The following SEMA5A variants were observed in gnomAD, a reference collection of about 807,000 sequenced individuals.
SEMA5A encodes the protein semaphorin 5A, also known as semaphorin-5A.
SEMA5A carries 55 observed loss-of-function variants against 135.5 expected under a neutral mutation model. The ratio of observed to expected loss-of-function variants is 0.41; its 90% CI spans 0.33 to 0.51. The LOEUF (loss-of-function observed/expected upper bound fraction) is 0.51, where lower values mean the gene tolerates loss of function less well. Among genes scored for constraint, SEMA5A ranks in the 20% least tolerant of loss-of-function variants. The pLI is 0.37. For synonymous variants in SEMA5A, 580 were observed against 546.5 expected, an observed-to-expected ratio of 1.06 and a Z score of -0.85; for missense variants, 1,290 against 1,419.9, an observed-to-expected ratio of 0.91 and a Z score of 1.47.
intron 3 of SEMA5A, among the ~76,000 whole-genome samples, chr5:9,346,498 A>G (rs1190856175): frequency 6.6e-6 from 1 of 152,196 alleles, no homozygotes; most frequent in Non-Finnish European, 1.5e-5. Context: ...GAGCACTGTA[A>G]TATGCCCTCT....
chr5:9,433,625 T>C (rs1398321951), intron 2 of SEMA5A, among the ~76,000 whole-genome samples: 1 of 141,720 alleles, frequency 7.1e-6, no homozygotes, highest in Non-Finnish European at 1.6e-5. Flanking sequence ...CCTTTCTCTC[T>C]TTCTCTCACC....
At chr5:9,453,331 TCCTATCA>T (rs1758715114) in intron 1 of SEMA5A, among the ~76,000 whole-genome samples, 1 of 152,170 alleles carries the variant, frequency 6.6e-6, no homozygotes, top group South Asian at 2.1e-4. Flanking sequence ...GACAAGGCAA[TCCTATCA>T]CCTTCTTGTT....
chr5:9,209,070 C>T (rs1805968), intron 8 of SEMA5A, among the ~76,000 whole-genome samples: 13,844 of 152,190 alleles, frequency 0.091, 893 homozygotes, highest in African/African-American at 0.18. Context: ...CAAGTAGGAA[C>T]CACTTTTACC....
chr5:9,484,835 C>A (rs534118560), intron 1 of SEMA5A, among the ~76,000 whole-genome samples: 9 of 152,140 alleles, frequency 5.9e-5, no homozygotes, highest in Non-Finnish European at 1.3e-4. Context: ...CCCAAAAGTT[C>A]GGGTCCTTCT....
chr5:9,391,144 C>T (rs1199887327), intron 2 of SEMA5A: 1 of 152,194 alleles, frequency 6.6e-6, no homozygotes, highest in Non-Finnish European at 1.5e-5. Context: ...TACTAACTAA[C>T]TTCTTGTCGG....
intron 5 of SEMA5A, among the ~76,000 whole-genome samples, chr5:9,263,265 G>C (rs1348137036): frequency 6.6e-6 from 1 of 152,140 alleles, no homozygotes; most frequent in Non-Finnish European, 1.5e-5. Context: ...CCAAGCCACG[G>C]ACTGGTCCTG....
chr5:9,384,694 A>AGATG (rs1223968667), intron 2 of SEMA5A, among the ~76,000 whole-genome samples: 2 of 139,172 alleles, frequency 1.4e-5, no homozygotes, highest in African/African-American at 2.8e-5. Context: ...ATAGATAGAT[A>AGATG]GATAGATAGA....
intron 10 of SEMA5A, among the ~76,000 whole-genome samples, chr5:9,193,167 T>C (rs568643758): frequency 6.6e-6 from 1 of 152,288 alleles, no homozygotes; most frequent in African/African-American, 2.4e-5. Context: ...TGGAAGAGTA[T>C]TCAGAGTTAT....
chr5:9,154,535 G>A lies in SEMA5A; in HGVS notation c.1434C>T (p.His478=), dbSNP rs1224449066. 9.3e-6 allele frequency: 15 copies of A among 1,612,498 alleles called. No homozygotes were observed. The highest frequency in any genetic ancestry group is 2.7e-5 in the African/African-American group (2 of 74,846). ...ACCTCTTCAGGGGGATCTTGACCAC[G>A]TGCTCCCGCAGGCCCACGAACAGGA... The part of the protein sequence containing the change: ...QSVLFVGLRE[H]VVKIPLKRCQ... The change falls in exon 12 of 23, where the codon CAC becomes CAT. Residue 478 remains histidine, a synonymous_variant. Coordinates refer to ENST00000382496, the MANE Select transcript of SEMA5A (RefSeq NM_003966.3).
chr5:9,102,447 A>G (rs1350065665), intron 16 of SEMA5A, among the ~76,000 whole-genome samples: 1 of 152,186 alleles, frequency 6.6e-6, no homozygotes, highest in Non-Finnish European at 1.5e-5. Flanking sequence ...TACCAGCCAA[A>G]TAGGAAACTT....
intron 3 of SEMA5A, among the ~76,000 whole-genome samples, chr5:9,344,726 A>G (rs1208773981): frequency 6.6e-6 from 1 of 152,230 alleles, no homozygotes; most frequent in African/African-American, 2.4e-5. Flanking sequence ...GATATGCTAA[A>G]CCTTACTTTT....
At chr5:9,193,736 A>T (rs1209323764) in intron 10 of SEMA5A, among the ~76,000 whole-genome samples, 1 of 152,126 alleles carries the variant, frequency 6.6e-6, no homozygotes, top group East Asian at 1.9e-4. Flanking sequence ...CGTCTGTACT[A>T]AAAATACAAA....
chr5:9,090,623 G>A (rs1413215579), intron 16 of SEMA5A, among the ~76,000 whole-genome samples: 1 of 152,212 alleles, frequency 6.6e-6, no homozygotes, highest in African/African-American at 2.4e-5. Flanking sequence ...TGCTGCCAAT[G>A]TGTTTCACAC....
intron 1 of SEMA5A, among the ~76,000 whole-genome samples, chr5:9,471,127 C>G (rs560883845): frequency 1.9e-4 from 29 of 152,306 alleles, no homozygotes; most frequent in African/African-American, 6.5e-4. Flanking sequence ...TCAGGGCTCA[C>G]TGACATAGAG....
chr5:9,501,592 C>T (rs1172678629), intron 1 of SEMA5A, among the ~76,000 whole-genome samples: 3 of 152,182 alleles, frequency 2.0e-5, no homozygotes, highest in Non-Finnish European at 2.9e-5. Context: ...CCTTCCCCTA[C>T]TCAAGAGAAG....
chr5:9,431,768 GT>G (rs774307160), intron 2 of SEMA5A, among the ~76,000 whole-genome samples: 8 of 152,178 alleles, frequency 5.3e-5, no homozygotes, highest in Admixed American at 1.3e-4. Context: ...ACGTGCACAT[GT>G]AAATCCAAAT....
intron 2 of SEMA5A, among the ~76,000 whole-genome samples, chr5:9,411,994 A>C (rs1231696940): frequency 1.3e-5 from 2 of 152,124 alleles, no homozygotes; most frequent in Non-Finnish European, 2.9e-5. Flanking sequence ...AAAACATAAA[A>C]ACTCACATTA....
chr5:9,136,376 G>T, intron 13 of SEMA5A, 128 bp downstream of exon 13: 1 of 718,242 alleles, frequency 1.4e-6, no homozygotes, highest in South Asian at 1.7e-5. Flanking sequence ...AGAGAGCACA[G>T]ACTGGGTTTG....
intron 4 of SEMA5A, among the ~76,000 whole-genome samples, chr5:9,329,263 T>C (rs2150697331): frequency 6.6e-6 from 1 of 152,310 alleles, no homozygotes; most frequent in South Asian, 2.1e-4. Context: ...TCATACTTTT[T>C]GTTTTGGGGC....
Sources: allele counts gnomAD v4.1 joint callset (sites outside exome capture counted in the v4.1 genomes callset), GRCh38; gene constraint gnomAD v4.1.1; transcripts MANE v1.5; gene names NCBI Gene and HGNC (gene_info 2026-07-23, HGNC 2026-07-21).